CCDC138: variants seen among roughly 807,000 people sequenced by gnomAD.
CCDC138 encodes the protein coiled-coil domain-containing protein 138.
Under a neutral mutation model 82.3 loss-of-function variants are expected in CCDC138, and 66 were observed. The ratio of observed to expected loss-of-function variants is 0.80; its 90% CI spans 0.66 to 0.98. The LOEUF is 0.98. Among genes scored for constraint, CCDC138 ranks in the 50% least tolerant of loss-of-function variants. The pLI is 0.00. For synonymous variants in CCDC138, 297 were observed against 265.4 expected, an observed-to-expected ratio of 1.12 and a Z score of -1.16; for missense variants, 816 against 758.9, an observed-to-expected ratio of 1.08 and a Z score of -0.88.
chr2:108,809,702 T>A (rs1043376351), intron 7 of CCDC138, among the ~76,000 whole-genome samples: 1 of 152,206 alleles, frequency 6.6e-6, no homozygotes, highest in Non-Finnish European at 1.5e-5. Context: ...TTTACCAAAT[T>A]TATCAGTTCT....
intron 10 of CCDC138, among the ~76,000 whole-genome samples, chr2:108,834,269 G>C (rs916850196): frequency 1.3e-5 from 2 of 148,598 alleles, no homozygotes; most frequent in African/African-American, 5.1e-5. Flanking sequence ...CTGGAGTGCA[G>C]TGGCGCAATC....
rs567824252 is a variant in CCDC138 at position 108,873,338 on chromosome 2, T to A, written c.1694-113T>A. The A allele has an allele frequency of 1.9e-3, 1,971 of 1,012,826 alleles. 20 individuals carry two copies. In the South Asian group the frequency reaches 0.029, roughly 15 times the overall value. 62.7% of individuals were successfully genotyped at this position (1,012,826 alleles called of 1,614,324 possible). ...CTCAAAAATTTAAGTATGAAAAGAA[T>A]GAAAATCTAAATGAATATTTATAAA... On this transcript the variant is annotated intron_variant, in intron 13 of 14. Transcript: ENST00000295124.
intron 11 of CCDC138, among the ~76,000 whole-genome samples, chr2:108,841,781 C>T (rs1355680148): frequency 6.6e-6 from 1 of 151,926 alleles, no homozygotes. Flanking sequence ...ATTTTTTTAA[C>T]TACTGGGTGG....
At chr2:108,790,371 A>G (rs533341705) in intron 3 of CCDC138, among the ~76,000 whole-genome samples, 33 of 152,318 alleles carry the variant, frequency 2.2e-4, no homozygotes, top group African/African-American at 7.5e-4. Flanking sequence ...GTTTTGGACT[A>G]TGAAGGTTTT....
At chr2:108,832,344 C>CT (rs1179620383) in intron 10 of CCDC138, among the ~76,000 whole-genome samples, 6,392 of 122,182 alleles carry the variant, frequency 0.052, 246 homozygotes, top group South Asian at 0.1. Flanking sequence ...GTATTTCTTT[C>CT]TTTTTTTTTT....
In CCDC138 at chr2:108,794,727, A is replaced by G; in HGVS notation, c.576+6A>G. ...AGATACATCTGAAATTGCAGGTAAG[A>G]ACTAAATACTGAATCGAGAATTCAG... On this transcript the variant is annotated splice_donor_region_variant and intron_variant, in intron 5 of 14. Transcript: ENST00000295124. The G allele has an allele frequency of 6.3e-7, 1 of 1,582,908 alleles. No homozygotes were observed. The highest frequency in any genetic ancestry group is 8.7e-7 in the Non-Finnish European group (1 of 1,155,426).
chr2:108,787,125 C>G (rs1444656147), intron 1 of CCDC138, among the ~76,000 whole-genome samples: 1 of 152,182 alleles, frequency 6.6e-6, no homozygotes, highest in Non-Finnish European at 1.5e-5. Context: ...ACCTATGCCT[C>G]TGTGTTCCTG....
chr2:108,809,165 A>G (rs1683343563), intron 7 of CCDC138, among the ~76,000 whole-genome samples: 1 of 152,124 alleles, frequency 6.6e-6, no homozygotes, highest in African/African-American at 2.4e-5. Flanking sequence ...ATGCTGTTCC[A>G]TTAGTCTATG....
intron 11 of CCDC138, among the ~76,000 whole-genome samples, chr2:108,844,999 G>C (rs1267673829): frequency 6.6e-6 from 1 of 151,890 alleles, no homozygotes. Flanking sequence ...GCCTGCCTTG[G>C]CTTCCCAAAG....
At chr2:108,854,028 A>ATTATATATATT (rs1692163782) in intron 12 of CCDC138, among the ~76,000 whole-genome samples, 2 of 109,090 alleles carry the variant, frequency 1.8e-5, no homozygotes, top group African/African-American at 7.4e-5. Flanking sequence ...ATAAATTTAT[A>ATTATATATATT]TTATATATAA....
intron 12 of CCDC138, among the ~76,000 whole-genome samples, 180 bp downstream of exon 12, chr2:108,847,110 T>C (rs972304776): frequency 7.2e-5 from 11 of 152,256 alleles, no homozygotes; most frequent in Non-Finnish European, 1.5e-5. Context: ...TTGAAGTCTT[T>C]AGTTGGATTC....
At chr2:108,804,425 G>A (rs1682497116) in intron 6 of CCDC138, among the ~76,000 whole-genome samples, 1 of 152,066 alleles carries the variant, frequency 6.6e-6, no homozygotes, top group Non-Finnish European at 1.5e-5. Flanking sequence ...AATTTTAGCT[G>A]CTTTATGAGG....
chr2:108,843,918 T>C (rs1161526437), intron 11 of CCDC138, among the ~76,000 whole-genome samples: 7 of 119,246 alleles, frequency 5.9e-5, no homozygotes, highest in African/African-American at 2.0e-4. Context: ...TGAGACAGGG[T>C]CTTGCTCTGT....
chr2:108,794,393 C>T (rs1724196), intron 4 of CCDC138, 147 bp from the exon 5 acceptor site: 93,588 of 699,722 alleles, frequency 0.13, 7,129 homozygotes, highest in Middle Eastern at 0.16. Flanking sequence ...ACCACTTTAC[C>T]ATATTTGCTA....
At position 108,812,538 on chromosome 2, in the gene CCDC138, A is replaced by G. The variant is rs1459370029; in HGVS notation, c.856-93A>G. The G allele has an allele frequency of 5.6e-6, 5 of 886,234 alleles. No individual in the cohort carries two copies. In the Admixed American group the frequency reaches 8.3e-5, roughly 15 times the overall value. The allele number at this position is 886,234 out of a possible 1,614,324, so 54.9% of individuals were successfully genotyped here. A position where few individuals can be genotyped will look rare whatever the true frequency, so the allele number is the denominator to read the frequency against. On this transcript the variant is annotated intron_variant, in intron 7 of 14. Transcript: ENST00000295124. ...CTCTGTTTTGTTACATTGGTTAGTAATATCAACCAGATTAGATAGTAGATT... is the reference window on the plus strand; with the variant it reads ...CTCTGTTTTGTTACATTGGTTAGTAGTATCAACCAGATTAGATAGTAGATT...
At chr2:108,813,432 C>G (rs538545354) in intron 9 of CCDC138, among the ~76,000 whole-genome samples, 1 of 151,996 alleles carries the variant, frequency 6.6e-6, no homozygotes, top group Non-Finnish European at 1.5e-5. Context: ...AATATACTTT[C>G]ATTTGTGAAA....
At chr2:108,880,402 G>C (rs144726197), downstream of CCDC138, among the ~76,000 whole-genome samples, 2 of 152,276 alleles carry the variant, frequency 1.3e-5, no homozygotes, top group Non-Finnish European at 2.9e-5. Flanking sequence ...GTTATTTTGT[G>C]AGTACCAACT....
intron 13 of CCDC138, among the ~76,000 whole-genome samples, chr2:108,859,785 T>C (rs1693259423): frequency 6.6e-6 from 1 of 152,160 alleles, no homozygotes; most frequent in South Asian, 2.1e-4. Flanking sequence ...CTGTTTGGGC[T>C]CATTCTTGGT....
chr2:108,878,566 T>C (rs186691272), downstream of CCDC138: 17 of 198,304 alleles, frequency 8.6e-5, no homozygotes, highest in East Asian at 3.7e-4. Context: ...CAGTCAGATA[T>C]GTTTTATCGG....
Sources: allele counts gnomAD v4.1 joint callset (sites outside exome capture counted in the v4.1 genomes callset), GRCh38; gene constraint gnomAD v4.1.1; transcripts MANE v1.5; gene names NCBI Gene and HGNC (gene_info 2026-07-23, HGNC 2026-07-21).